The following LHFPL6 variants were observed in gnomAD, a reference collection of about 807,000 sequenced individuals.
The protein encoded by LHFPL6 is LHFPL tetraspan subfamily member 6 protein.
In LHFPL6, 9 loss-of-function variants were observed where a neutral mutation model predicts 20.6. That is an observed-to-expected ratio of 0.44 (90% CI 0.26 to 0.76). The LOEUF (loss-of-function observed/expected upper bound fraction) is 0.76, where lower values mean the gene tolerates loss of function less well. Among genes scored for constraint, LHFPL6 ranks in the 30% least tolerant of loss-of-function variants. LHFPL6 has a pLI of 0.20. For synonymous variants in LHFPL6, 105 were observed against 98.7 expected (o/e 1.06, Z -0.38); for missense variants, 218 against 253.5 (o/e 0.86, Z 0.95).
intron 2 of LHFPL6, among the ~76,000 whole-genome samples, chr13:39,436,723 G>A (rs1871967739): frequency 6.6e-6 from 1 of 152,214 alleles, no homozygotes; most frequent in African/African-American, 2.4e-5. Context: ...GTTATGGTTT[G>A]TGTGGTCACA....
intron 3 of LHFPL6, among the ~76,000 whole-genome samples, chr13:39,350,755 A>G (rs1869543844): frequency 6.6e-6 from 1 of 152,200 alleles, no homozygotes; most frequent in Admixed American, 6.5e-5. Context: ...TTGACAGATA[A>G]AATAGAGGTT....
chr13:39,457,668 G>A (rs977806822), intron 2 of LHFPL6, among the ~76,000 whole-genome samples: 1 of 152,206 alleles, frequency 6.6e-6, no homozygotes, highest in Admixed American at 6.5e-5. Flanking sequence ...CAGGTATGTG[G>A]TAAAGGGAGA....
intron 2 of LHFPL6, among the ~76,000 whole-genome samples, chr13:39,424,206 T>C (rs1436207421): frequency 6.6e-6 from 1 of 152,138 alleles, no homozygotes; most frequent in Non-Finnish European, 1.5e-5. Flanking sequence ...AAGTGAATAA[T>C]ACAAAAGGTT....
At position 39,452,646 on chromosome 13, in the gene LHFPL6, G is replaced by A. The variant is rs548074865; in HGVS notation, c.386-74120C>T. 4.6e-5 allele frequency among the ~76,000 whole-genome samples: 7 copies of A among 152,268 alleles called. 1 individual carries two copies. In the South Asian group the frequency reaches 6.2e-4, roughly 14 times the overall value. ...CTCATTATGATGATACCCAGACACC[G>A]GGTGTCTCACACACATTCCTCTTCT... is the stretch of plus-strand genomic sequence containing the variant. On this transcript the variant is annotated intron_variant, in intron 2 of 3. Coordinates refer to ENST00000379589, the MANE Select transcript of LHFPL6 (RefSeq NM_005780.3).
chr13:39,471,381 A>G (rs1364534439), intron 2 of LHFPL6, among the ~76,000 whole-genome samples: 1 of 152,180 alleles, frequency 6.6e-6, no homozygotes, highest in Non-Finnish European at 1.5e-5. Context: ...TTCTCCTGGA[A>G]GATATTAATC....
intron 2 of LHFPL6, among the ~76,000 whole-genome samples, chr13:39,402,861 G>A (rs1018389618): frequency 2.0e-5 from 3 of 152,182 alleles, no homozygotes; most frequent in African/African-American, 7.2e-5. Context: ...ATCAAACACA[G>A]ATTTTAAAAT....
At chr13:39,437,859 G>A (rs1018936932) in intron 2 of LHFPL6, among the ~76,000 whole-genome samples, 48 of 148,536 alleles carry the variant, frequency 3.2e-4, no homozygotes, top group African/African-American at 1.1e-3. Context: ...CTGGGATTGC[G>A]CCACTGCACT....
chr13:39,413,832 C>T (rs1871290921), intron 2 of LHFPL6, among the ~76,000 whole-genome samples: 1 of 152,098 alleles, frequency 6.6e-6, no homozygotes, highest in Non-Finnish European at 1.5e-5. Context: ...TTTTTAATCA[C>T]CACCCCTTCC....
At chr13:39,452,278 C>T (rs1872470097) in intron 2 of LHFPL6, among the ~76,000 whole-genome samples, 1 of 152,152 alleles carries the variant, frequency 6.6e-6, no homozygotes, top group South Asian at 2.1e-4. Context: ...CACTGAAAAA[C>T]AATCTTCAGC....
chr13:39,589,422 T>G (rs986835673), intron 2 of LHFPL6, among the ~76,000 whole-genome samples: 14 of 152,020 alleles, frequency 9.2e-5, no homozygotes, highest in Admixed American at 2.6e-4. Context: ...ATAAAGAAAA[T>G]TTTTTAAAAA....
chr13:39,482,097 C>A (rs534569625), intron 2 of LHFPL6, among the ~76,000 whole-genome samples: 5 of 152,174 alleles, frequency 3.3e-5, no homozygotes, highest in Non-Finnish European at 5.9e-5. Context: ...GCAAAAGTTG[C>A]GAATTATTGT....
intron 3 of LHFPL6, among the ~76,000 whole-genome samples, chr13:39,345,512 CA>C (rs71077225): frequency 7.1e-4 from 31 of 43,442 alleles, no homozygotes; most frequent in East Asian, 6.9e-3. Flanking sequence ...GACTCCATCT[CA>C]AAAAAAAAAA....
At chr13:39,435,839 AAAC>A (rs765167344) in intron 2 of LHFPL6, among the ~76,000 whole-genome samples, 3 of 152,146 alleles carry the variant, frequency 2.0e-5, no homozygotes, top group Admixed American at 6.5e-5. Context: ...TTTTCAATCA[AAAC>A]AACCTATTGA....
chr13:39,421,112 A>AT (rs1871473468), intron 2 of LHFPL6, among the ~76,000 whole-genome samples: 1 of 151,696 alleles, frequency 6.6e-6, no homozygotes, highest in Admixed American at 6.6e-5. Context: ...AACAAAAAAA[A>AT]CTAAATCACA....
chr13:39,480,739 T>C (rs1868482462), intron 2 of LHFPL6, among the ~76,000 whole-genome samples: 1 of 152,172 alleles, frequency 6.6e-6, no homozygotes, highest in South Asian at 2.1e-4. Context: ...TATTATACCA[T>C]AATTTTTACC....
At chr13:39,567,500 T>C (rs899512313) in intron 2 of LHFPL6, among the ~76,000 whole-genome samples, 1 of 152,236 alleles carries the variant, frequency 6.6e-6, no homozygotes, top group Non-Finnish European at 1.5e-5. Context: ...ACAGACTTTT[T>C]CCATAGAGGT....
chr13:39,462,260 C>T (rs1014682979), intron 2 of LHFPL6, among the ~76,000 whole-genome samples: 23 of 152,156 alleles, frequency 1.5e-4, no homozygotes, highest in Non-Finnish European at 1.2e-4. Flanking sequence ...GAAACACTCC[C>T]CTCTAAGGAT....
At chr13:39,489,254 G>A (rs888013110) in intron 2 of LHFPL6, among the ~76,000 whole-genome samples, 1 of 152,142 alleles carries the variant, frequency 6.6e-6, no homozygotes, top group Non-Finnish European at 1.5e-5. Flanking sequence ...TTGAGGAATT[G>A]TTTTGCACAG....
rs548995505 is a variant in LHFPL6, at chr13:39,474,307, A to G, written c.386-95781T>C. ...TTTTATGGGTTTGTTTAACATAACAATACAAATTATTTTTCAGTTTCATGA... is the reference window on the plus strand; with the variant it reads ...TTTTATGGGTTTGTTTAACATAACAGTACAAATTATTTTTCAGTTTCATGA... On this transcript the variant is annotated intron_variant, in intron 2 of 3. Coordinates refer to ENST00000379589, the MANE Select transcript of LHFPL6 (RefSeq NM_005780.3). Among the ~76,000 whole-genome samples the G allele has an allele frequency of 2.6e-5, 4 of 152,362 alleles. No homozygotes were observed. In the South Asian group the frequency reaches 8.3e-4, roughly 32 times the overall value.
Sources: gnomAD v4.1 joint callset for allele counts (sites outside exome capture counted in the v4.1 genomes callset) on GRCh38, gnomAD v4.1.1 for gene constraint, MANE v1.5 for transcripts, NCBI Gene and HGNC (gene_info 2026-07-23, HGNC 2026-07-21) for gene names.